GABRA3: variants seen among roughly 807,000 people sequenced by gnomAD.
GABRA3 encodes gamma-aminobutyric acid receptor subunit alpha-3.
In GABRA3, 10 loss-of-function variants were observed where a neutral mutation model predicts 30.1. The observed-to-expected ratio is 0.33, with a 90% confidence interval of 0.20 to 0.56. The LOEUF (loss-of-function observed/expected upper bound fraction) is 0.56. GABRA3 is among the 20% of genes least tolerant of loss of function. The pLI, the probability that GABRA3 is intolerant of heterozygous loss-of-function variation, is 0.89. For synonymous variants in GABRA3, 151 were observed against 146.8 expected (o/e 1.03, Z -0.21); for missense variants, 233 against 392.0 (o/e 0.59, Z 3.42).
chrX:152,275,129 TATATA>T, intron 4 of GABRA3, among the ~76,000 whole-genome samples: 1 of 68,735 alleles, frequency 1.5e-5, no homozygotes, highest in South Asian at 6.1e-4. Flanking sequence ...AAACATTAAA[TATATA>T]TAATATAATA....
chrX:152,360,761 A>T (rs1254530697), intron 2 of GABRA3, among the ~76,000 whole-genome samples: 1 of 103,076 alleles, frequency 9.7e-6, no homozygotes, highest in Non-Finnish European at 2.0e-5. Flanking sequence ...TAAATTAAAA[A>T]AAAAAAATGT....
At chrX:152,405,028 C>T in intron 1 of GABRA3, among the ~76,000 whole-genome samples, 1 of 108,521 alleles carries the variant, frequency 9.2e-6, no homozygotes, top group Middle Eastern at 4.7e-3. Flanking sequence ...ATCAAATTAT[C>T]TGGTTTCAAT....
chrX:152,198,581 C>A (rs1040284749), intron 7 of GABRA3, among the ~76,000 whole-genome samples: 1 of 111,869 alleles, frequency 8.9e-6, no homozygotes, highest in Non-Finnish European at 1.9e-5. Flanking sequence ...GCAGTTGATC[C>A]TTCTTCCCTC....
At chrX:152,387,893 C>T (rs2124512488) in intron 1 of GABRA3, among the ~76,000 whole-genome samples, 1 of 110,835 alleles carries the variant, frequency 9.0e-6, no homozygotes, top group East Asian at 2.8e-4. Flanking sequence ...AATAAAAAGC[C>T]TGTAAAAAAA....
At position 152,168,062 on chromosome X, in the gene GABRA3, G is replaced by T; in HGVS notation, c.*166C>A. ...TATTGGAGGGACAAGTAATTTTTCT[G>T]TAGTTATTTTTTGCGTAGAGATTCA... On this transcript the variant is annotated 3_prime_UTR_variant, in exon 10 of 10. Coordinates refer to ENST00000370314, the MANE Select transcript of GABRA3 (RefSeq NM_000808.4). The T allele has an allele frequency of 2.2e-6, 1 of 454,050 alleles. No homozygotes were observed. Among genetic ancestry groups the T allele is most frequent in the Admixed American group, 3.9e-5 (1 of 25,679 alleles). 37.4% of individuals were successfully genotyped at this position (454,050 alleles called of 1,213,427 possible).
intron 8 of GABRA3, 110 bp downstream of exon 8, chrX:152,197,523 G>T (rs1245241414): frequency 3.0e-6 from 2 of 665,969 alleles, no homozygotes; most frequent in Non-Finnish European, 4.4e-6. Flanking sequence ...CTCCTGCTAG[G>T]CACAGGAATT....
intron 4 of GABRA3, among the ~76,000 whole-genome samples, chrX:152,258,053 A>G (rs1938667086): frequency 8.9e-6 from 1 of 111,852 alleles, no homozygotes; most frequent in Non-Finnish European, 1.9e-5. Context: ...TAATGACAAA[A>G]CACCTAAGGA....
chrX:152,344,769 A>G (rs1328451030), intron 3 of GABRA3, among the ~76,000 whole-genome samples: 2 of 111,629 alleles, frequency 1.8e-5, no homozygotes, highest in Non-Finnish European at 3.8e-5. Context: ...AATCAATGTC[A>G]TGAAAGACAA....
intron 3 of GABRA3, among the ~76,000 whole-genome samples, chrX:152,304,787 T>A: frequency 8.9e-6 from 1 of 111,765 alleles, no homozygotes; most frequent in East Asian, 2.8e-4. Context: ...GACTGTTTTT[T>A]TGTTGTTGTT....
intron 3 of GABRA3, among the ~76,000 whole-genome samples, chrX:152,294,866 T>C (rs1939496443): frequency 9.0e-6 from 1 of 111,293 alleles, no homozygotes; most frequent in Non-Finnish European, 1.9e-5. Context: ...CTTTGTTAGT[T>C]TTCCTTCTAA....
intron 4 of GABRA3, among the ~76,000 whole-genome samples, chrX:152,275,471 A>ATATTTACATATT (rs1348482881): frequency 1.1e-4 from 12 of 106,404 alleles, no homozygotes; most frequent in African/African-American, 2.4e-4. Context: ...TATCAAATAA[A>ATATTTACATATT]TAGAGCTGGC....
At chrX:152,376,943 GT>G (rs1341278638) in intron 1 of GABRA3, among the ~76,000 whole-genome samples, 2 of 111,702 alleles carry the variant, frequency 1.8e-5, no homozygotes, top group Non-Finnish European at 3.8e-5. Flanking sequence ...AAAACAGTGG[GT>G]GGAAGGAAGT....
chrX:152,280,057 A>G (rs1309676302), intron 4 of GABRA3, among the ~76,000 whole-genome samples: 2 of 111,592 alleles, frequency 1.8e-5, no homozygotes, highest in Non-Finnish European at 3.8e-5. Flanking sequence ...TCATCTGCAA[A>G]CAGAGACAAT....
chrX:152,241,579 C>T (rs1938372939), intron 5 of GABRA3, among the ~76,000 whole-genome samples: 2 of 109,386 alleles, frequency 1.8e-5, no homozygotes, highest in African/African-American at 6.6e-5. Flanking sequence ...CAAGCCTGGG[C>T]AATGGCGGGC....
At chrX:152,271,147 G>C (rs1183878810) in intron 4 of GABRA3, among the ~76,000 whole-genome samples, 1 of 109,953 alleles carries the variant, frequency 9.1e-6, no homozygotes, top group Non-Finnish European at 1.9e-5. Flanking sequence ...ATTTTTAGTA[G>C]AGACAGGTTT....
chrX:152,393,049 C>T (rs1368248687), intron 1 of GABRA3, among the ~76,000 whole-genome samples: 1 of 111,844 alleles, frequency 8.9e-6, no homozygotes, highest in African/African-American at 3.2e-5. Flanking sequence ...CCTACACAAT[C>T]CCACGACATA....
chrX:152,348,923 A>G lies in GABRA3; in HGVS notation c.141-3221T>C, dbSNP rs773275349. 8.0e-5 allele frequency among the ~76,000 whole-genome samples: 9 copies of G among 111,886 alleles called. No individual in the cohort carries two copies. The East Asian group carries it at 2.5e-3, about 32-fold the overall frequency. On this transcript the variant is annotated intron_variant, in intron 2 of 9. Transcript: ENST00000370314. ...CTGACCAGTCAGGGCAGTGGTTGCTAAAGGTTGGGGCAGCTGTGGCAATTT... is the reference window on the plus strand; with the variant it reads ...CTGACCAGTCAGGGCAGTGGTTGCTGAAGGTTGGGGCAGCTGTGGCAATTT...
chrX:152,306,522 T>G (rs1333590429), intron 3 of GABRA3, among the ~76,000 whole-genome samples: 3 of 111,911 alleles, frequency 2.7e-5, no homozygotes, highest in Non-Finnish European at 5.6e-5. Context: ...GTGTTGCAAG[T>G]GAGATGTGGT....
At chrX:152,215,019 T>C (rs866438930) in intron 6 of GABRA3, among the ~76,000 whole-genome samples, 51 of 103,604 alleles carry the variant, frequency 4.9e-4, no homozygotes, top group African/African-American at 1.7e-3. Flanking sequence ...TACACACACA[T>C]ATATGTATGT....
Sources: gnomAD v4.1 joint callset for allele counts (sites outside exome capture counted in the v4.1 genomes callset) on GRCh38, gnomAD v4.1.1 for gene constraint, MANE v1.5 for transcripts, NCBI Gene and HGNC (gene_info 2026-07-23, HGNC 2026-07-21) for gene names.